The following PARVA variants were observed in gnomAD, a reference collection of about 807,000 sequenced individuals.
The protein encoded by PARVA is parvin alpha.
Under a neutral mutation model 52.6 loss-of-function variants are expected in PARVA, and 25 were observed. The observed-to-expected ratio is 0.48, with a 90% CI of 0.35 to 0.66. The LOEUF is 0.66. Among genes scored for constraint, PARVA ranks in the 30% least tolerant of loss-of-function variants. The pLI is 0.01. For synonymous variants in PARVA, 185 were observed against 179.1 expected (o/e 1.03, Z -0.26); for missense variants, 373 against 450.9 (o/e 0.83, Z 1.56).
intron 11 of PARVA, 52 bp downstream of exon 11, chr11:12,517,763 A>G (rs1241145011): frequency 8.0e-7 from 1 of 1,249,748 alleles, no homozygotes; most frequent in Non-Finnish European, 1.1e-6. Flanking sequence ...CCCCTGACTC[A>G]TGTGCCCACA....
rs1941762848 is a variant in PARVA at position 12,530,751 on chromosome 11, T to C, written c.*2826T>C. The C allele has an allele frequency of 6.6e-6, 1 of 152,178 alleles. No homozygotes were observed. The highest frequency in any genetic ancestry group is 6.5e-5 in the Admixed American group (1 of 15,290). The allele number at this position is 152,178 out of a possible 1,614,324, so 9.4% of individuals were successfully genotyped here. A position where few individuals can be genotyped will look rare whatever the true frequency, so the allele number is the denominator to read the frequency against. On this transcript the variant is annotated 3_prime_UTR_variant, in exon 13 of 13. Transcript: ENST00000334956. Reference sequence around the variant, plus strand: ...TCACTTAATGTTATATCTTGGATATTGTATTACCCTGGGTATTAAAAAGAA... The same window carrying C: ...TCACTTAATGTTATATCTTGGATATCGTATTACCCTGGGTATTAAAAAGAA...
At chr11:12,524,571 G>T (rs541112007) in intron 12 of PARVA, among the ~76,000 whole-genome samples, 1 of 152,086 alleles carries the variant, frequency 6.6e-6, no homozygotes, top group Non-Finnish European at 1.5e-5. Context: ...TGATCTGCCC[G>T]TGCTGTTATT....
intron 7 of PARVA, among the ~76,000 whole-genome samples, chr11:12,509,513 C>T (rs1222474156): frequency 6.6e-6 from 1 of 152,162 alleles, no homozygotes. Flanking sequence ...CACAGCTGAC[C>T]CGTACCTGCC....
chr11:12,494,386 A>G (rs960130286), intron 4 of PARVA, among the ~76,000 whole-genome samples: 17 of 152,160 alleles, frequency 1.1e-4, no homozygotes, highest in Admixed American at 9.8e-4. Context: ...TCTCCTGGCA[A>G]TCAGCTTCCC....
In PARVA at chr11:12,533,301, C is replaced by T. The variant is rs547150898; in HGVS notation, c.*5376C>T. On this transcript the variant is annotated 3_prime_UTR_variant, in exon 13 of 13. Transcript: ENST00000334956. ...CCAGCCCTCTCACCTCGGAGGAGGACTCCTGTTTTACCAACGGCAGGAGCA... is the reference window on the plus strand; with the variant it reads ...CCAGCCCTCTCACCTCGGAGGAGGATTCCTGTTTTACCAACGGCAGGAGCA... Among the ~76,000 whole-genome samples the T allele has an allele frequency of 1.4e-4, 21 of 152,218 alleles. No individual in the cohort carries two copies. The highest frequency in any genetic ancestry group is 2.5e-4 in the Non-Finnish European group (17 of 68,042).
At position 12,524,333 on chromosome 11, in the gene PARVA, G is replaced by A. The variant is rs373967223; in HGVS notation, c.1043-3516G>A. On this transcript the variant is annotated intron_variant, in intron 12 of 12. Coordinates refer to ENST00000334956, the MANE Select transcript of PARVA (RefSeq NM_018222.5). ...AAGTGACTGCCAGGGTCACACAGCTGTAGTGGAGATGGACTTCAAACTTCT... is the reference window on the plus strand; with the variant it reads ...AAGTGACTGCCAGGGTCACACAGCTATAGTGGAGATGGACTTCAAACTTCT... Among the ~76,000 whole-genome samples, 4 of 152,342 alleles carry A rather than the reference G, an allele frequency of 2.6e-5. No homozygotes were observed. In the East Asian group the frequency reaches 5.8e-4, roughly 22 times the overall value.
At chr11:12,397,652 T>C (rs572657091) in intron 1 of PARVA, among the ~76,000 whole-genome samples, 7 of 152,266 alleles carry the variant, frequency 4.6e-5, no homozygotes, top group African/African-American at 1.7e-4. Context: ...CTAATCTTAT[T>C]GGAAATACTT....
At chr11:12,403,601 A>T (rs1382625103) in intron 1 of PARVA, among the ~76,000 whole-genome samples, 1 of 152,264 alleles carries the variant, frequency 6.6e-6, no homozygotes, top group Admixed American at 6.5e-5. Context: ...CGGTTTCTTT[A>T]TATTCAAAAT....
At chr11:12,449,266 G>A (rs764040002) in intron 1 of PARVA, among the ~76,000 whole-genome samples, 6 of 152,112 alleles carry the variant, frequency 3.9e-5, no homozygotes, top group East Asian at 1.9e-4. Context: ...TGATTCTCCC[G>A]CCTCAGCCTC....
intron 12 of PARVA, among the ~76,000 whole-genome samples, chr11:12,520,940 G>T (rs990986572): frequency 6.6e-6 from 1 of 150,886 alleles, no homozygotes; most frequent in Non-Finnish European, 1.5e-5. Flanking sequence ...CTGTCTCAAA[G>T]AAAGGAAAAA....
chr11:12,436,100 G>A (rs1226791612), intron 1 of PARVA, among the ~76,000 whole-genome samples: 1 of 152,124 alleles, frequency 6.6e-6, no homozygotes, highest in Non-Finnish European at 1.5e-5. Context: ...GGGATTACAG[G>A]TATGAGCCAC....
chr11:12,473,195 A>G (rs565659453), intron 1 of PARVA, among the ~76,000 whole-genome samples: 34 of 152,112 alleles, frequency 2.2e-4, no homozygotes, highest in Non-Finnish European at 4.9e-4. Flanking sequence ...GAACTGAGGT[A>G]TTTTTGAGCA....
At chr11:12,427,187 A>T (rs1940249715) in intron 1 of PARVA, among the ~76,000 whole-genome samples, 1 of 152,234 alleles carries the variant, frequency 6.6e-6, no homozygotes, top group Non-Finnish European at 1.5e-5. Flanking sequence ...TTATAAAAGA[A>T]ATCTGTCATA....
rs1941301317 is a variant in PARVA, at chr11:12,496,551, A to G, written c.494A>G (p.Asn165Ser). 2 of 1,612,108 alleles carry G rather than the reference A, an allele frequency of 1.2e-6. No homozygotes were observed. Among genetic ancestry groups the G allele is most frequent in the African/African-American group, 1.3e-5 (1 of 75,034 alleles). ...QKLQTVLEKINETLKLPPRSI... is the reference protein window; with the variant it reads ...QKLQTVLEKISETLKLPPRSI... ...CTGCAGACTGTCCTGGAGAAGATCA[A>G]TGAAACCCTGAAACTTCCTCCCAGG... Residue 165 changes from asparagine to serine, a missense_variant, in exon 5 of 13, where the codon AAT becomes AGT. Transcript: ENST00000334956.
At chr11:12,463,246 A>G (rs962850970) in intron 1 of PARVA, among the ~76,000 whole-genome samples, 13 of 152,126 alleles carry the variant, frequency 8.5e-5, no homozygotes, top group Admixed American at 4.6e-4. Flanking sequence ...ATATTACTAT[A>G]TTTTGTCTAA....
chr11:12,489,557 A>G (rs1057110697), intron 4 of PARVA, among the ~76,000 whole-genome samples: 1 of 152,216 alleles, frequency 6.6e-6, no homozygotes, highest in African/African-American at 2.4e-5. Context: ...AATGGAGTAT[A>G]GTAAATATTT....
intron 12 of PARVA, among the ~76,000 whole-genome samples, chr11:12,526,649 C>A (rs10831844): frequency 0.29 from 44,765 of 152,038 alleles, 6,991 homozygotes; most frequent in East Asian, 0.39. Context: ...ATAACCTCTC[C>A]CTTCTCCCTA....
At chr11:12,444,358 C>T (rs1940514761) in intron 1 of PARVA, among the ~76,000 whole-genome samples, 1 of 152,246 alleles carries the variant, frequency 6.6e-6, no homozygotes, top group East Asian at 1.9e-4. Flanking sequence ...GAACAGGCAG[C>T]TTAGACAATT....
Position 12,469,789 on chromosome 11 carries a change from G to A in PARVA, c.137-3956G>A, listed in dbSNP as rs189323957. On this transcript the variant is annotated intron_variant, in intron 1 of 12. Coordinates refer to ENST00000334956, the MANE Select transcript of PARVA (RefSeq NM_018222.5). ...TGGCCTTTCTTCTTGGATTTGTTAT[G>A]TCTCTGTGAGTGAATTAAAGAGGCA... Among the ~76,000 whole-genome samples, 11 of 152,286 alleles carry A rather than the reference G, an allele frequency of 7.2e-5. No individual in the cohort carries two copies. In the East Asian group the frequency reaches 2.1e-3, roughly 29 times the overall value.
Sources: allele counts gnomAD v4.1 joint callset (sites outside exome capture counted in the v4.1 genomes callset), GRCh38; gene constraint gnomAD v4.1.1; transcripts MANE v1.5; gene names NCBI Gene and HGNC (gene_info 2026-07-23, HGNC 2026-07-21).